Variants in CPNE5 observed in about 807,000 individuals in gnomAD.
CPNE5 encodes the protein copine-5.
In CPNE5, 42 loss-of-function variants were observed where a neutral mutation model predicts 81.1. The observed-to-expected ratio is 0.52, with a 90% CI of 0.40 to 0.67. CPNE5 has a LOEUF of 0.67. Among genes scored for constraint, CPNE5 ranks in the 30% least tolerant of loss-of-function variants. CPNE5 has a pLI of 0.00. For synonymous variants in CPNE5, 313 were observed against 321.5 expected, an observed-to-expected ratio of 0.97 and a Z score of 0.28; for missense variants, 612 against 815.5, an observed-to-expected ratio of 0.75 and a Z score of 3.04.
chr6:36,741,444 C>CAG lies in CPNE5; in HGVS notation c.*823_*824insCT, dbSNP rs1763581567. On this transcript the variant is annotated 3_prime_UTR_variant, in exon 21 of 21. Coordinates refer to ENST00000244751, the MANE Select transcript of CPNE5 (RefSeq NM_020939.2). ...GCAGGAGCAGTGTGGGAACGTGGGG[C>CAG]TGAGCCACTCCTTACTCAGGCCTCC... 4 of 152,230 alleles carry CAG rather than the reference C, an allele frequency of 2.6e-5. No individual in the cohort carries two copies. Among genetic ancestry groups the CAG allele is most frequent in the Non-Finnish European group, 1.5e-5 (1 of 68,076 alleles). 9.4% of individuals were successfully genotyped at this position (152,230 alleles called of 1,614,324 possible).
At chr6:36,764,804 C>T (rs1340219814) in intron 11 of CPNE5, among the ~76,000 whole-genome samples, 2 of 152,170 alleles carry the variant, frequency 1.3e-5, no homozygotes, top group South Asian at 2.1e-4. Flanking sequence ...TCAGTCCTGG[C>T]TCTCTGCAAA....
chr6:36,743,723 G>C lies in CPNE5; in HGVS notation c.1529C>G (p.Ser510Cys), dbSNP rs1763791423. The change falls in exon 20 of 21, where the codon TCC becomes TGC. Residue 510 changes from serine to cysteine, a missense_variant. Coordinates refer to ENST00000244751, the MANE Select transcript of CPNE5 (RefSeq NM_020939.2). ...GTCGCGTTCAGCCAGCTTCCCCCGG[G>C]AGGAGATCCGCACGTCGTCGCCATC... ...ELDGDDVRIS[S>C]RGKLAERDIV... is the part of the protein sequence containing the mutation. 1 of 1,613,282 alleles carries C rather than the reference G, an allele frequency of 6.2e-7. No homozygotes were observed.
At chr6:36,820,253 G>A (rs991365554) in intron 3 of CPNE5, among the ~76,000 whole-genome samples, 1 of 151,944 alleles carries the variant, frequency 6.6e-6, no homozygotes, top group African/African-American at 2.4e-5. Flanking sequence ...GTGAGGGAGC[G>A]AGGAGGCAGA....
At chr6:36,773,772 G>A (rs1671991273) in intron 10 of CPNE5, among the ~76,000 whole-genome samples, 1 of 150,502 alleles carries the variant, frequency 6.6e-6, no homozygotes, top group African/African-American at 2.5e-5. Flanking sequence ...TAGCAACCAG[G>A]TATCTGGTAT....
In CPNE5 at chr6:36,798,498, C is replaced by T; in HGVS notation, c.288-4G>A. On this transcript the variant is annotated splice_region_variant and splice_polypyrimidine_tract_variant and intron_variant, in intron 4 of 20. Transcript: ENST00000244751. Reference sequence around the variant, plus strand: ...ACTCTTAGAGTCAACGTCGTATCTGCAGGGAACACAGAGAAACGATGAAGG... The same window carrying T: ...ACTCTTAGAGTCAACGTCGTATCTGTAGGGAACACAGAGAAACGATGAAGG... The T allele has an allele frequency of 3.1e-6, 5 of 1,613,982 alleles. No individual in the cohort carries two copies. The highest frequency in any genetic ancestry group is 3.4e-6 in the Non-Finnish European group (4 of 1,179,864).
At chr6:36,829,283 GCCAGGAGTTTGAGA>G (rs894529473) in intron 1 of CPNE5, among the ~76,000 whole-genome samples, 1 of 151,828 alleles carries the variant, frequency 6.6e-6, no homozygotes, top group Non-Finnish European at 1.5e-5. Context: ...ATCACTTGAG[GCCAGGAGTTTGAGA>G]CCAGTGTGGG....
intron 12 of CPNE5, among the ~76,000 whole-genome samples, chr6:36,758,307 C>A (rs181305229): frequency 6.7e-6 from 1 of 149,790 alleles, no homozygotes; most frequent in East Asian, 2.0e-4. Context: ...AAGACGGGGT[C>A]TTGCTCTATG....
intron 3 of CPNE5, among the ~76,000 whole-genome samples, chr6:36,803,423 C>A (rs1345797454): frequency 6.6e-6 from 1 of 152,174 alleles, no homozygotes; most frequent in Non-Finnish European, 1.5e-5. Context: ...TATTTCTACC[C>A]CTCTAGATTG....
intron 1 of CPNE5, among the ~76,000 whole-genome samples, chr6:36,833,479 T>C (rs749297025): frequency 1.3e-5 from 2 of 152,220 alleles, no homozygotes; most frequent in Non-Finnish European, 2.9e-5. Context: ...ATATTCACTC[T>C]TGTGATTACA....
intron 8 of CPNE5, among the ~76,000 whole-genome samples, chr6:36,783,743 A>C (rs1377361400): frequency 1.3e-5 from 2 of 152,094 alleles, no homozygotes; most frequent in Non-Finnish European, 2.9e-5. Context: ...TGAACTCCTG[A>C]GGTCAAGCGA....
At chr6:36,827,860 C>G (rs1052351629) in intron 1 of CPNE5, 1 of 570,098 alleles carries the variant, frequency 1.8e-6, no homozygotes, top group Non-Finnish European at 2.1e-6. Context: ...TTTTTTTTAG[C>G]AGGAAAAACG....
chr6:36,784,431 G>A (rs1768334679), intron 8 of CPNE5, among the ~76,000 whole-genome samples: 1 of 152,212 alleles, frequency 6.6e-6, no homozygotes, highest in South Asian at 2.1e-4. Flanking sequence ...GCCTTGGAAG[G>A]TCACTCTGCC....
chr6:36,835,722 G>T (rs1773434834), intron 1 of CPNE5, among the ~76,000 whole-genome samples: 1 of 151,728 alleles, frequency 6.6e-6, no homozygotes, highest in African/African-American at 2.4e-5. Context: ...CTTGAACCCA[G>T]AAAGCGGAGG....
intron 1 of CPNE5, among the ~76,000 whole-genome samples, chr6:36,838,465 C>T (rs968530797): frequency 1.3e-5 from 2 of 152,190 alleles, no homozygotes; most frequent in Non-Finnish European, 2.9e-5. Context: ...GGCAGCCTTC[C>T]CCTAGCTAGG....
intron 7 of CPNE5, among the ~76,000 whole-genome samples, chr6:36,793,031 C>T (rs957991934): frequency 1.3e-5 from 2 of 152,140 alleles, no homozygotes; most frequent in African/African-American, 4.8e-5. Context: ...GTGCTTGGCA[C>T]AGAGAAGGCC....
chr6:36,757,131 C>T (rs1366047319), intron 12 of CPNE5, among the ~76,000 whole-genome samples: 1 of 152,150 alleles, frequency 6.6e-6, no homozygotes, highest in Non-Finnish European at 1.5e-5. Context: ...GAGAGCCACC[C>T]AGCCCTGAGG....
At chr6:36,837,676 G>A (rs566709759) in intron 1 of CPNE5, among the ~76,000 whole-genome samples, 7 of 152,270 alleles carry the variant, frequency 4.6e-5, no homozygotes, top group Admixed American at 2.0e-4. Context: ...AGTGGGGAGC[G>A]TGAGGCCAGG....
At chr6:36,833,702 C>T (rs1439817433) in intron 1 of CPNE5, among the ~76,000 whole-genome samples, 1 of 152,178 alleles carries the variant, frequency 6.6e-6, no homozygotes, top group Non-Finnish European at 1.5e-5. Context: ...CACCGGTGAG[C>T]TTGGAGGAGG....
Position 36,827,265 on chromosome 6 carries a change from C to T in CPNE5, c.96-4167G>A, listed in dbSNP as rs868678551. ...CCCACACCTCGTCCACACTTGCCTC[C>T]GTCCATCCCTCTCCCTAACTGCCTG... On this transcript the variant is annotated intron_variant, in intron 1 of 20. Transcript: ENST00000244751. 4.4e-5 allele frequency: 41 copies of T among 940,756 alleles called. No individual in the cohort carries two copies. In the Middle Eastern group the frequency reaches 1.6e-3, roughly 37 times the overall value. 58.3% of individuals were successfully genotyped at this position (940,756 alleles called of 1,614,324 possible). A position where few individuals can be genotyped will look rare whatever the true frequency, so the allele number is the denominator to read the frequency against.
Sources: gnomAD v4.1 joint callset for allele counts (sites outside exome capture counted in the v4.1 genomes callset) on GRCh38, gnomAD v4.1.1 for gene constraint, MANE v1.5 for transcripts, NCBI Gene and HGNC (gene_info 2026-07-23, HGNC 2026-07-21) for gene names.